MAST4: variants seen among roughly 807,000 people sequenced by gnomAD.
MAST4 encodes the protein microtubule associated serine/threonine kinase family member 4.
A neutral mutation model predicts 162.7 loss-of-function variants in MAST4; 89 were observed. The observed-to-expected ratio is 0.55, with a 90% CI of 0.46 to 0.65. MAST4 has a LOEUF of 0.65. MAST4 is among the 30% of genes least tolerant of loss of function. MAST4 has a pLI of 0.00. For synonymous variants in MAST4, 1,479 were observed against 1,361.1 expected, an observed-to-expected ratio of 1.09 and a Z score of -1.91; for missense variants, 3,153 against 3,374.0, an observed-to-expected ratio of 0.93 and a Z score of 1.62.
At chr5:67,113,686 G>T (rs1766533349) in intron 11 of MAST4, among the ~76,000 whole-genome samples, 1 of 152,104 alleles carries the variant, frequency 6.6e-6, no homozygotes. Flanking sequence ...TCCTTTTGTT[G>T]CTGGTTGAGT....
Position 67,134,494 on chromosome 5 carries a change from A to T in MAST4, c.2227-29A>T, listed in dbSNP as rs368465778. ...ATTTTAATTCATGTCTAATATTCCA[A>T]TTATTCTAATATTGCAATTATCTTT... On this transcript the variant is annotated intron_variant, in intron 17 of 28. Coordinates refer to ENST00000403625, the MANE Select transcript of MAST4 (RefSeq NM_001164664.2). 1.8e-5 allele frequency: 28 copies of T among 1,594,054 alleles called. No individual in the cohort carries two copies. The African/African-American group carries it at 3.5e-4, about 20-fold the overall frequency.
chr5:66,633,607 C>T lies in MAST4; in HGVS notation c.363+36589C>T, dbSNP rs376035029. On this transcript the variant is annotated intron_variant, in intron 1 of 28. Coordinates refer to ENST00000403625, the MANE Select transcript of MAST4 (RefSeq NM_001164664.2). ...TCTGGCATCCTATTGGATTCTGTTGCTAGGAATGTTAGATTTTTAGTAATT... is the reference window on the plus strand; with the variant it reads ...TCTGGCATCCTATTGGATTCTGTTGTTAGGAATGTTAGATTTTTAGTAATT... Among the ~76,000 whole-genome samples, 5 of 152,136 alleles carry T rather than the reference C, an allele frequency of 3.3e-5. No individual in the cohort carries two copies. In the East Asian group the frequency reaches 9.6e-4, roughly 29 times the overall value.
At chr5:67,014,998 A>G (rs997909546) in intron 4 of MAST4, among the ~76,000 whole-genome samples, 14 of 152,162 alleles carry the variant, frequency 9.2e-5, no homozygotes, top group Admixed American at 6.5e-4. Context: ...ATATGATACA[A>G]CTTCTTTATG....
intron 3 of MAST4, among the ~76,000 whole-genome samples, chr5:66,832,947 C>G (rs907429927): frequency 6.6e-6 from 1 of 152,120 alleles, no homozygotes; most frequent in Admixed American, 6.5e-5. Flanking sequence ...TTAGACAAAT[C>G]AATGCCATAT....
chr5:66,986,812 A>G (rs777215480), intron 4 of MAST4, among the ~76,000 whole-genome samples: 2 of 151,770 alleles, frequency 1.3e-5, no homozygotes, highest in African/African-American at 4.8e-5. Flanking sequence ...GGGTCTCGCT[A>G]TGTTGGTCAG....
intron 4 of MAST4, among the ~76,000 whole-genome samples, chr5:66,943,416 A>G (rs988434324): frequency 6.6e-6 from 1 of 152,146 alleles, no homozygotes; most frequent in South Asian, 2.1e-4. Flanking sequence ...GAATATTTAA[A>G]GGTGCTTCCC....
intron 4 of MAST4, among the ~76,000 whole-genome samples, chr5:67,044,134 A>G (rs901029512): frequency 6.6e-6 from 1 of 152,194 alleles, no homozygotes; most frequent in African/African-American, 2.4e-5. Flanking sequence ...GTTACAGCAC[A>G]TGCCCTTTAT....
At chr5:66,822,487 T>C (rs1208873835) in intron 3 of MAST4, among the ~76,000 whole-genome samples, 1 of 152,194 alleles carries the variant, frequency 6.6e-6, no homozygotes, top group Admixed American at 6.5e-5. Context: ...GTGTTATATT[T>C]AGGACTGTAT....
At chr5:66,877,568 A>C (rs570281218) in intron 3 of MAST4, among the ~76,000 whole-genome samples, 3 of 152,328 alleles carry the variant, frequency 2.0e-5, no homozygotes, top group African/African-American at 7.2e-5. Context: ...TAAAGTGGAG[A>C]CGAGAGGTAG....
intron 2 of MAST4, among the ~76,000 whole-genome samples, chr5:66,766,020 C>A (rs1754078924): frequency 6.6e-6 from 1 of 152,140 alleles, no homozygotes; most frequent in Admixed American, 6.6e-5. Context: ...TTTGGAGCCC[C>A]CTGATGAGGA....
chr5:67,143,022 T>C (rs1268249422), intron 21 of MAST4: 1 of 154,558 alleles, frequency 6.5e-6, no homozygotes, highest in Non-Finnish European at 1.4e-5. Flanking sequence ...AGCTTCACTG[T>C]GTACAGAGTC....
chr5:66,665,235 G>A (rs2149465889), intron 1 of MAST4, among the ~76,000 whole-genome samples: 1 of 152,282 alleles, frequency 6.6e-6, no homozygotes, highest in East Asian at 1.9e-4. Context: ...TTTCTTTTTA[G>A]GTATTAGAGC....
rs182358980 is a variant in MAST4 at position 66,600,768 on chromosome 5, A to T, written c.363+3750A>T. Among the ~76,000 whole-genome samples, 498 of 152,290 alleles carry T rather than the reference A, an allele frequency of 3.3e-3. 1 individual carries two copies. The highest frequency in any genetic ancestry group is 4.5e-3 in the Non-Finnish European group (309 of 68,026). ...AACAAAGTCAAATCATTGAGGTTTC[A>T]CTCAGAATGCTTTTGAAGAGACTTG... On this transcript the variant is annotated intron_variant, in intron 1 of 28. Transcript: ENST00000403625.
intron 1 of MAST4, among the ~76,000 whole-genome samples, chr5:66,639,694 GTGT>G (rs1175014509): frequency 1.3e-5 from 2 of 152,070 alleles, no homozygotes; most frequent in Non-Finnish European, 2.9e-5. Flanking sequence ...TATTTTGGTG[GTGT>G]TCAGAACTGG....
chr5:67,046,877 T>G (rs1470218134), intron 4 of MAST4, among the ~76,000 whole-genome samples: 1 of 152,210 alleles, frequency 6.6e-6, no homozygotes, highest in East Asian at 1.9e-4. Flanking sequence ...GAAGAGTTTT[T>G]CTGCTAATAG....
intron 4 of MAST4, among the ~76,000 whole-genome samples, chr5:66,906,251 C>T (rs975779817): frequency 6.6e-6 from 1 of 152,164 alleles, no homozygotes; most frequent in Non-Finnish European, 1.5e-5. Flanking sequence ...TGAGGCATGT[C>T]TGACCCTCTC....
At chr5:66,597,669 CCAAACCGAG>C (rs1185761636) in intron 1 of MAST4, among the ~76,000 whole-genome samples, 3 of 152,182 alleles carry the variant, frequency 2.0e-5, no homozygotes, top group African/African-American at 7.2e-5. Flanking sequence ...ACGCTTGTCA[CCAAACCGAG>C]TACAGATCGT....
chr5:66,799,926 G>A (rs956325324), intron 3 of MAST4, among the ~76,000 whole-genome samples: 1 of 152,256 alleles, frequency 6.6e-6, no homozygotes. Flanking sequence ...TGTCATTGTT[G>A]CTGGAGTCAA....
At chr5:66,744,936 G>A (rs116736716) in intron 1 of MAST4, among the ~76,000 whole-genome samples, 221 of 151,836 alleles carry the variant, frequency 1.5e-3, no homozygotes, top group South Asian at 5.6e-3. Flanking sequence ...TATTGAACAG[G>A]TCAACAATTG....
Sources: gnomAD v4.1 joint callset for allele counts (sites outside exome capture counted in the v4.1 genomes callset) on GRCh38, gnomAD v4.1.1 for gene constraint, MANE v1.5 for transcripts, NCBI Gene and HGNC (gene_info 2026-07-23, HGNC 2026-07-21) for gene names.